The following MAGI2 variants were observed in gnomAD, a reference collection of about 807,000 sequenced individuals.
MAGI2 encodes membrane associated guanylate kinase, WW and PDZ domain containing 2.
A neutral mutation model predicts 133.3 loss-of-function variants in MAGI2; 35 were observed. The ratio of observed to expected loss-of-function variants is 0.26; its 90% CI spans 0.20 to 0.35. The LOEUF is 0.35. Ranked by LOEUF, MAGI2 falls within the 10% of genes least tolerant of loss-of-function variation. The pLI, the probability that MAGI2 is intolerant of heterozygous loss-of-function variation, is 1.00. For synonymous variants in MAGI2, 729 were observed against 710.6 expected (o/e 1.03, Z -0.41); for missense variants, 1,636 against 1,863.4 (o/e 0.88, Z 2.25).
chr7:78,872,200 A>G (rs1424698795), intron 2 of MAGI2, among the ~76,000 whole-genome samples: 2 of 151,692 alleles, frequency 1.3e-5, no homozygotes, highest in African/African-American at 2.4e-5. Context: ...AAATATAAAG[A>G]TTGAAAAAAA....
At chr7:78,861,020 C>T (rs145965212) in intron 2 of MAGI2, among the ~76,000 whole-genome samples, 4,070 of 152,252 alleles carry the variant, frequency 0.027, 75 homozygotes, top group Middle Eastern at 0.048. Flanking sequence ...AGTGAGGCTC[C>T]CTGGGCATGG....
intron 2 of MAGI2, among the ~76,000 whole-genome samples, chr7:78,709,944 C>T (rs1238677670): frequency 1.3e-5 from 2 of 152,138 alleles, no homozygotes; most frequent in Non-Finnish European, 2.9e-5. Context: ...CAGGTCAGCA[C>T]AGTCTTTTCA....
intron 2 of MAGI2, among the ~76,000 whole-genome samples, chr7:78,853,340 T>C (rs981488536): frequency 7.9e-5 from 5 of 63,194 alleles, no homozygotes; most frequent in African/African-American, 3.2e-4. Flanking sequence ...TTCTTTTTTT[T>C]TTTTTTTTTT....
Position 78,212,110 on chromosome 7 carries a change from C to T in MAGI2, c.2048-10917G>A, listed in dbSNP as rs367580865. 8.0e-4 allele frequency among the ~76,000 whole-genome samples: 122 copies of T among 152,282 alleles called. 1 individual carries two copies. Among genetic ancestry groups the T allele is most frequent in the African/African-American group, 2.8e-3 (116 of 41,560 alleles). The stretch of plus-strand genomic sequence containing the variant: ...TTACGCAACTTAACTAGTTTTAGTG[C>T]TTGCTACAGTTCGTTTTATACCAGT... On this transcript the variant is annotated intron_variant, in intron 10 of 21. Transcript: ENST00000354212.
intron 7 of MAGI2, chr7:78,358,709 T>A (rs1792439563): frequency 8.9e-6 from 2 of 224,160 alleles, no homozygotes; most frequent in South Asian, 1.1e-4. Context: ...TGGCTGGAAA[T>A]ACCAGGTAGT....
At chr7:78,632,568 C>T (rs950120064) in intron 2 of MAGI2, among the ~76,000 whole-genome samples, 2 of 152,184 alleles carry the variant, frequency 1.3e-5, no homozygotes, top group Non-Finnish European at 2.9e-5. Flanking sequence ...CCACTTATTT[C>T]ACATATTGCT....
intron 3 of MAGI2, among the ~76,000 whole-genome samples, chr7:78,625,577 T>G (rs2150950945): frequency 6.6e-6 from 1 of 152,246 alleles, no homozygotes; most frequent in South Asian, 2.1e-4. Flanking sequence ...TGTACAATGC[T>G]TATAAAGTCT....
chr7:79,358,409 C>T (rs1236974529), intron 1 of MAGI2, among the ~76,000 whole-genome samples: 2 of 152,010 alleles, frequency 1.3e-5, no homozygotes, highest in African/African-American at 2.4e-5. Flanking sequence ...AACTTAAAGG[C>T]CTATAGCACT....
chr7:78,114,183 T>C (rs968232323), intron 20 of MAGI2, among the ~76,000 whole-genome samples: 8 of 152,198 alleles, frequency 5.3e-5, no homozygotes, highest in African/African-American at 1.9e-4. Flanking sequence ...AAAGTCACTA[T>C]GACAGGTAAG....
At position 79,109,645 on chromosome 7, in the gene MAGI2, A is replaced by T. The variant is rs561455672; in HGVS notation, c.302-102439T>A. On this transcript the variant is annotated intron_variant, in intron 1 of 21. Coordinates refer to ENST00000354212, the MANE Select transcript of MAGI2 (RefSeq NM_012301.4). ...CAGCCTGGCCATGTGACAGAGAAAG[A>T]AAAAGCTTTTTTGAAATAGGAATAC... 1.2e-4 allele frequency among the ~76,000 whole-genome samples: 19 copies of T among 152,334 alleles called. No homozygotes were observed. In the South Asian group the frequency reaches 3.9e-3, roughly 32 times the overall value.
intron 2 of MAGI2, among the ~76,000 whole-genome samples, chr7:78,719,663 T>C (rs1820069404): frequency 6.6e-6 from 1 of 152,232 alleles, no homozygotes; most frequent in South Asian, 2.1e-4. Flanking sequence ...ATCCTATTGC[T>C]GCTATTAAGA....
At position 78,019,438 on chromosome 7, in the gene MAGI2, G is replaced by A. The variant is rs1248222596; in HGVS notation, c.4245C>T (p.Gly1415=). ...CCGGGGCGCCCCCCGGGGGTCGCGG[G>A]CCCGGCCGGGGACCCGCGCGCGCAC... ...RAGARAGPRP[G]PRPPGGAPAR... Residue 1415 remains glycine, a synonymous_variant, in exon 22 of 22, where the codon GGC becomes GGT. Coordinates refer to ENST00000354212, the MANE Select transcript of MAGI2 (RefSeq NM_012301.4). 4.0e-6 allele frequency: 4 copies of A among 999,794 alleles called. No individual in the cohort carries two copies. The highest frequency in any genetic ancestry group is 4.8e-6 in the Non-Finnish European group (4 of 841,326). 61.9% of individuals were successfully genotyped at this position (999,794 alleles called of 1,614,324 possible).
chr7:79,180,863 T>C (rs537312599), intron 1 of MAGI2, among the ~76,000 whole-genome samples: 16 of 151,850 alleles, frequency 1.1e-4, no homozygotes, highest in Non-Finnish European at 1.9e-4. Context: ...TTTGGAGAAA[T>C]TGATCAAAAC....
chr7:78,378,364 A>C (rs899347514), intron 6 of MAGI2, among the ~76,000 whole-genome samples: 3 of 152,242 alleles, frequency 2.0e-5, no homozygotes, highest in Admixed American at 6.5e-5. Flanking sequence ...AAAAATTTCC[A>C]GAAATAAAAT....
intron 12 of MAGI2, among the ~76,000 whole-genome samples, chr7:78,194,622 A>C (rs1440837095): frequency 6.6e-6 from 1 of 152,170 alleles, no homozygotes; most frequent in Admixed American, 6.5e-5. Flanking sequence ...ACCCCCAAAA[A>C]TATATTCCCG....
At chr7:79,157,850 GTTTTTTT>G (rs35889003) in intron 1 of MAGI2, among the ~76,000 whole-genome samples, 3 of 84,124 alleles carry the variant, frequency 3.6e-5, no homozygotes, top group African/African-American at 1.1e-4. Context: ...TATCTAACAA[GTTTTTTT>G]TTTTTTTTTT....
chr7:78,030,530 C>A (rs903850318), intron 21 of MAGI2, among the ~76,000 whole-genome samples: 1 of 152,204 alleles, frequency 6.6e-6, no homozygotes, highest in Non-Finnish European at 1.5e-5. Context: ...GCTGGGATTA[C>A]AGGCATGAGC....
At chr7:78,068,504 T>A (rs1814095570) in intron 21 of MAGI2, among the ~76,000 whole-genome samples, 1 of 151,936 alleles carries the variant, frequency 6.6e-6, no homozygotes, top group African/African-American at 2.4e-5. Flanking sequence ...GGGGTGCTGA[T>A]CATGGGGGTG....
chr7:78,023,316 C>G (rs1808594592), intron 21 of MAGI2, among the ~76,000 whole-genome samples: 1 of 152,202 alleles, frequency 6.6e-6, no homozygotes, highest in Admixed American at 6.5e-5. Context: ...CTGCTTCCTT[C>G]AGACGATGTT....
Sources: gnomAD v4.1 joint callset for allele counts (sites outside exome capture counted in the v4.1 genomes callset) on GRCh38, gnomAD v4.1.1 for gene constraint, MANE v1.5 for transcripts, NCBI Gene and HGNC (gene_info 2026-07-23, HGNC 2026-07-21) for gene names.